Variants in FBXO34 observed in about 807,000 individuals in gnomAD.
The protein encoded by FBXO34 is F-box protein 34.
In FBXO34, 12 loss-of-function variants were observed where a neutral mutation model predicts 24.5. The observed-to-expected ratio is 0.49, with a 90% CI of 0.31 to 0.79. The LOEUF is 0.79. FBXO34 is among the 30% of genes least tolerant of loss of function. The pLI is 0.04. For synonymous variants in FBXO34, 320 were observed against 311.9 expected, an observed-to-expected ratio of 1.03 and a Z score of -0.27; for missense variants, 823 against 857.7, an observed-to-expected ratio of 0.96 and a Z score of 0.51.
At chr14:55,343,765 G>A (rs944332679) in intron 1 of FBXO34, among the ~76,000 whole-genome samples, 2 of 152,168 alleles carry the variant, frequency 1.3e-5, no homozygotes, top group Non-Finnish European at 2.9e-5. Context: ...GAGAAATATC[G>A]TCCTTTCTCC....
chr14:55,432,153 A>G, the FBXO34 span, among the ~76,000 whole-genome samples: 1 of 151,968 alleles, frequency 6.6e-6, no homozygotes, highest in Non-Finnish European at 1.5e-5. Flanking sequence ...CACGCCTGTA[A>G]TCCCAGCACT....
chr14:55,271,461 C>T lies in FBXO34; in HGVS notation c.-87C>T, dbSNP rs1356168984. The T allele has an allele frequency of 1.3e-5, 2 of 152,004 alleles. No homozygotes were observed. Among genetic ancestry groups the T allele is most frequent in the East Asian group, 1.9e-4 (1 of 5,160 alleles). The allele number at this position is 152,004 out of a possible 1,614,324, so 9.4% of individuals were successfully genotyped here. ...GCGGTGGGGAGTGAGCCAGGCCTCC[C>T]GCCACCGCTGCTGCCGCCACCACTG... On this transcript the variant is annotated 5_prime_UTR_variant, in exon 1 of 2. Coordinates refer to ENST00000313833, the MANE Select transcript of FBXO34 (RefSeq NM_017943.4).
chr14:55,274,068 T>A (rs1881255693), intron 1 of FBXO34, among the ~76,000 whole-genome samples: 1 of 152,112 alleles, frequency 6.6e-6, no homozygotes, highest in Admixed American at 6.5e-5. Context: ...CCTCCCAAAG[T>A]GCTGGGACTA....
rs188241890 is a variant in FBXO34, at chr14:55,287,108, G to C, written c.-11+15571G>C. Among the ~76,000 whole-genome samples, 15 of 152,022 alleles carry C rather than the reference G, an allele frequency of 9.9e-5. No homozygotes were observed. In the East Asian group the frequency reaches 2.5e-3, roughly 26 times the overall value. On this transcript the variant is annotated intron_variant, in intron 1 of 1. Coordinates refer to ENST00000313833, the MANE Select transcript of FBXO34 (RefSeq NM_017943.4). Reference sequence around the variant, plus strand: ...TTTAGTAGAGATGGGGTTTCACCTTGTTGGCCAGGCTGGTCTTGAACTCCT... The same window carrying C: ...TTTAGTAGAGATGGGGTTTCACCTTCTTGGCCAGGCTGGTCTTGAACTCCT...
the FBXO34 span, among the ~76,000 whole-genome samples, chr14:55,383,596 AC>A: frequency 1.3e-5 from 2 of 151,356 alleles, no homozygotes; most frequent in East Asian, 1.9e-4. Context: ...AACAAAAAAA[AC>A]CCCCAAGAAC....
At chr14:55,369,420 A>G, downstream of FBXO34, 1 of 460,372 alleles carries the variant, frequency 2.2e-6, no homozygotes, top group Non-Finnish European at 3.7e-6. Context: ...TCTCTTAATT[A>G]TCATAAGCAT....
chr14:55,419,622 C>T, the FBXO34 span, among the ~76,000 whole-genome samples: 1 of 152,318 alleles, frequency 6.6e-6, no homozygotes, highest in East Asian at 1.9e-4. Context: ...TTTCAGCTTA[C>T]TTGACTATAA....
chr14:55,274,599 A>T (rs1314321472), intron 1 of FBXO34, among the ~76,000 whole-genome samples: 1 of 152,232 alleles, frequency 6.6e-6, no homozygotes. Flanking sequence ...GATAAAAGCA[A>T]ATGTCAAGAT....
At chr14:55,360,129 G>A (rs890527647) in intron 3 of FBXO34, among the ~76,000 whole-genome samples, 1 of 152,020 alleles carries the variant, frequency 6.6e-6, no homozygotes, top group Non-Finnish European at 1.5e-5. Flanking sequence ...CTGGAGTGCA[G>A]TGGTGCGATC....
At chr14:55,313,399 GTCT>G (rs1293031158) in intron 1 of FBXO34, among the ~76,000 whole-genome samples, 3 of 152,114 alleles carry the variant, frequency 2.0e-5, no homozygotes, top group African/African-American at 7.2e-5. Context: ...ACATCTTCAT[GTCT>G]TCTTCTGAGT....
At chr14:55,414,438 C>G in the FBXO34 span, 3 of 1,606,402 alleles carry the variant, frequency 1.9e-6, no homozygotes, top group Non-Finnish European at 2.5e-6. Context: ...TCATAGATCT[C>G]AGAACGTTCT....
At chr14:55,427,832 TACAC>T in the FBXO34 span, among the ~76,000 whole-genome samples, 5 of 145,126 alleles carry the variant, frequency 3.4e-5, no homozygotes, top group Admixed American at 6.9e-5. Flanking sequence ...TGCAGCTATA[TACAC>T]ACACACACAC....
chr14:55,379,154 C>T, the FBXO34 span, among the ~76,000 whole-genome samples: 5 of 152,338 alleles, frequency 3.3e-5, no homozygotes, highest in African/African-American at 7.2e-5. Context: ...ATGTACCCTC[C>T]AGTGTTGGCA....
At chr14:55,381,439 C>T in the FBXO34 span, among the ~76,000 whole-genome samples, 1,245 of 152,256 alleles carry the variant, frequency 8.2e-3, 22 homozygotes, top group Non-Finnish European at 8.9e-3. Context: ...TAAATAACGT[C>T]CTCTTACATA....
At chr14:55,441,858 G>A in the FBXO34 span, among the ~76,000 whole-genome samples, 5 of 151,760 alleles carry the variant, frequency 3.3e-5, no homozygotes, top group African/African-American at 1.2e-4. Context: ...CGCCTCCCAG[G>A]TTCCAGCAAT....
At chr14:55,283,049 C>G (rs1403692235) in intron 1 of FBXO34, among the ~76,000 whole-genome samples, 2 of 152,118 alleles carry the variant, frequency 1.3e-5, no homozygotes, top group South Asian at 2.1e-4. Flanking sequence ...CACTTTAACC[C>G]TAGGGAATAG....
At chr14:55,389,298 G>A in the FBXO34 span, among the ~76,000 whole-genome samples, 4 of 151,912 alleles carry the variant, frequency 2.6e-5, no homozygotes, top group East Asian at 1.9e-4. Context: ...ATGGTAAGAC[G>A]GGGAGAGCAT....
intron 1 of FBXO34, among the ~76,000 whole-genome samples, chr14:55,282,939 A>C (rs532749389): frequency 1.3e-5 from 2 of 152,316 alleles, no homozygotes; most frequent in South Asian, 4.2e-4. Context: ...AAACCAGGAG[A>C]GGCAAACTTG....
chr14:55,314,152 C>T (rs1053595369), intron 1 of FBXO34, among the ~76,000 whole-genome samples: 44 of 152,056 alleles, frequency 2.9e-4, no homozygotes, highest in Admixed American at 1.3e-4. Context: ...CTCAAGTGAT[C>T]CTTCCAGTTA....
Sources: gnomAD v4.1 joint callset for allele counts (sites outside exome capture counted in the v4.1 genomes callset) on GRCh38, gnomAD v4.1.1 for gene constraint, MANE v1.5 for transcripts, NCBI Gene and HGNC (gene_info 2026-07-23, HGNC 2026-07-21) for gene names.